Variants in SEC23B observed in about 807,000 individuals in gnomAD.
The protein encoded by SEC23B is protein transport protein Sec23B.
In SEC23B, 77 loss-of-function variants were observed where a neutral mutation model predicts 104.3. The ratio of observed to expected loss-of-function variants is 0.74; its 90% CI spans 0.61 to 0.89. The LOEUF (loss-of-function observed/expected upper bound fraction) is 0.89. SEC23B is among the 40% of genes least tolerant of loss of function. The pLI is 0.00. For synonymous variants in SEC23B, 338 were observed against 332.5 expected (o/e 1.02, Z -0.18); for missense variants, 885 against 949.4 (o/e 0.93, Z 0.89).
intron 15 of SEC23B, among the ~76,000 whole-genome samples, chr20:18,547,984 T>C (rs1225847432): frequency 1.3e-5 from 2 of 152,154 alleles, no homozygotes; most frequent in Non-Finnish European, 2.9e-5. Flanking sequence ...GGAGTTTTGC[T>C]CTTGTTGCCC....
chr20:18,508,125 C>A (rs2059947623), intron 1 of SEC23B, 153 bp downstream of exon 1: 1 of 152,244 alleles, frequency 6.6e-6, no homozygotes, highest in Non-Finnish European at 1.5e-5. Context: ...ATCCGGGAGT[C>A]CCCTGCGGAT....
At chr20:18,515,979 C>T (rs776433747) in intron 4 of SEC23B, 1 of 485,706 alleles carries the variant, frequency 2.1e-6, no homozygotes, top group African/African-American at 2.0e-5. Flanking sequence ...CCTTCTTCAT[C>T]TCAGTTGATG....
At chr20:18,516,334 A>C (rs1444596506) in intron 4 of SEC23B, among the ~76,000 whole-genome samples, 1 of 150,800 alleles carries the variant, frequency 6.6e-6, no homozygotes, top group East Asian at 1.9e-4. Flanking sequence ...GCCTTTGTGA[A>C]TAATGCTTCA....
In SEC23B at chr20:18,535,738, A is replaced by G. The variant is rs150210442; in HGVS notation, c.1400A>G (p.Asn467Ser). The G allele has an allele frequency of 1.1e-5, 17 of 1,612,088 alleles. No individual in the cohort carries two copies. Among genetic ancestry groups the G allele is most frequent in the African/African-American group, 2.7e-5 (2 of 74,886 alleles). The change falls in exon 12 of 20, where the codon AAT becomes AGT. Residue 467 changes from asparagine to serine, a missense_variant. Physicochemically the swap from Asn to Ser is conservative, Grantham distance 46 (BLOSUM62 1). Transcript: ENST00000650089. ...STLGIYFEVV[N>S]QHNTPIPQGG... is the part of the protein sequence containing the mutation. ...CTTGGCATCTATTTTGAAGTTGTCA[A>G]TCAGGTGAGTTGGATTTCTTCACAT...
At chr20:18,552,343 G>T (rs1450338670) in intron 17 of SEC23B, among the ~76,000 whole-genome samples, 5 of 152,192 alleles carry the variant, frequency 3.3e-5, no homozygotes, top group Non-Finnish European at 7.3e-5. Flanking sequence ...GCACGCAAGT[G>T]CTAGGCTGTC....
At position 18,512,113 on chromosome 20, in the gene SEC23B, GTGTGA is replaced by G. The variant is rs894000777; in HGVS notation, c.222-110_222-106del. On this transcript the variant is annotated intron_variant, in intron 2 of 19. Transcript: ENST00000650089. ...TGCATACACATAGAAACACTTACTT[GTGTGA>G]TTTACTGAACTTGAAATTTACAAAT... 5 of 689,754 alleles carry G rather than the reference GTGTGA, an allele frequency of 7.2e-6. No individual in the cohort carries two copies. In the African/African-American group the frequency reaches 9.1e-5, roughly 13 times the overall value. 42.7% of individuals were successfully genotyped at this position (689,754 alleles called of 1,614,324 possible). A position where few individuals can be genotyped will look rare whatever the true frequency, so the allele number is the denominator to read the frequency against.
chr20:18,532,198 A>T (rs192110154), intron 10 of SEC23B, among the ~76,000 whole-genome samples: 1 of 152,248 alleles, frequency 6.6e-6, no homozygotes, highest in African/African-American at 2.4e-5. Flanking sequence ...GACTTTTGAA[A>T]TGAATTCACA....
At position 18,527,562 on chromosome 20, in the gene SEC23B, C is replaced by G. The variant is rs1443728396; in HGVS notation, c.1060C>G (p.Leu354Val). 1.9e-6 allele frequency: 3 copies of G among 1,613,648 alleles called. No homozygotes were observed. Among genetic ancestry groups the G allele is most frequent in the Non-Finnish European group, 2.5e-6 (3 of 1,179,558 alleles). Residue 354 changes from leucine (L) to valine (V), a missense_variant, in exon 9 of 20, where the codon CTT becomes GTT. Coordinates refer to ENST00000650089, the MANE Select transcript of SEC23B (RefSeq NM_006363.6). Reference protein sequence around the residue: ...GHCIDIYACALDQTGLLEMKC... With the variant: ...GHCIDIYACAVDQTGLLEMKC... ...CTGCATTGATATTTATGCTTGTGCC[C>G]TTGATCAAACTGGACTTTTGGAGAT...
chr20:18,546,112 A>G, intron 15 of SEC23B, 79 bp downstream of exon 15: 2 of 872,512 alleles, frequency 2.3e-6, no homozygotes, highest in Non-Finnish European at 3.9e-6. Context: ...GGGTAAAGTG[A>G]AGACTTTTTA....
At chr20:18,548,793 T>C in intron 16 of SEC23B, 23 bp downstream of exon 16, 1 of 1,611,394 alleles carries the variant, frequency 6.2e-7, no homozygotes, top group South Asian at 1.1e-5. Context: ...CCAAATGCTT[T>C]CCTGAGGATT....
intron 9 of SEC23B, among the ~76,000 whole-genome samples, chr20:18,530,017 G>A (rs1177857995): frequency 6.6e-6 from 1 of 152,172 alleles, no homozygotes; most frequent in African/African-American, 2.4e-5. Flanking sequence ...ATACTCATGA[G>A]TTGGAAAACA....
At chr20:18,526,791 A>T (rs186148872) in intron 8 of SEC23B, among the ~76,000 whole-genome samples, 75 of 152,322 alleles carry the variant, frequency 4.9e-4, no homozygotes, top group Admixed American at 1.7e-3. Flanking sequence ...TTTGAAAATG[A>T]TTTCCAGGCC....
At chr20:18,508,716 CTTTTTTTT>C (rs398035473) in intron 1 of SEC23B, among the ~76,000 whole-genome samples, 5 of 97,488 alleles carry the variant, frequency 5.1e-5, no homozygotes, top group South Asian at 3.7e-4. Context: ...GCAGTAGCTT[CTTTTTTTT>C]TTTTTTTTTT....
intron 6 of SEC23B, among the ~76,000 whole-genome samples, chr20:18,525,555 A>C (rs1253048000): frequency 1.3e-5 from 2 of 151,580 alleles, no homozygotes; most frequent in East Asian, 3.9e-4. Context: ...TTTCCAGACA[A>C]TTTTTTTTTC....
At chr20:18,530,359 C>A (rs2060172561) in intron 9 of SEC23B, among the ~76,000 whole-genome samples, 1 of 151,974 alleles carries the variant, frequency 6.6e-6, no homozygotes. Flanking sequence ...TCAAGTGATT[C>A]TCCTGCCTCA....
In SEC23B at chr20:18,551,137, A is replaced by G; in HGVS notation, c.1954A>G (p.Met652Val). 1 of 1,604,526 alleles carries G rather than the reference A, an allele frequency of 6.2e-7. No individual in the cohort carries two copies. Among genetic ancestry groups the G allele is most frequent in the Non-Finnish European group, 8.5e-7 (1 of 1,175,280 alleles). The change falls in exon 17 of 20, where the codon ATG becomes GTG. Residue 652 changes from methionine (M) to valine (V), a missense_variant. By Grantham distance (21) the Met-to-Val change is conservative (BLOSUM62 1). Transcript: ENST00000650089. ...CATTCTAGCTGACAGAATTTTGCTG[A>G]TGGATACTTTCTTTCAAATTGTCAT... ...SSILADRILL[M>V]DTFFQIVIYL... is the part of the protein sequence containing the mutation.
intron 17 of SEC23B, among the ~76,000 whole-genome samples, chr20:18,551,791 A>G (rs1174674264): frequency 6.6e-6 from 1 of 152,194 alleles, no homozygotes; most frequent in Non-Finnish European, 1.5e-5. Context: ...GTAAATTATT[A>G]CCTTCGAAGT....
chr20:18,535,255 A>G (rs1047593339), intron 11 of SEC23B, among the ~76,000 whole-genome samples: 39 of 151,228 alleles, frequency 2.6e-4, no homozygotes, highest in African/African-American at 8.7e-4. Context: ...CACACCTGTA[A>G]TCCCAACACT....
intron 13 of SEC23B, 147 bp downstream of exon 13, chr20:18,542,549 C>A: frequency 1.2e-6 from 1 of 834,784 alleles, no homozygotes; most frequent in Non-Finnish European, 2.0e-6. Flanking sequence ...GAGGAGGAGG[C>A]ATTTTTGGCT....
Sources: gnomAD v4.1 joint callset for allele counts (sites outside exome capture counted in the v4.1 genomes callset) on GRCh38, gnomAD v4.1.1 for gene constraint, MANE v1.5 for transcripts, NCBI Gene and HGNC (gene_info 2026-07-23, HGNC 2026-07-21) for gene names.